Variants in SLC36A4 observed in about 807,000 individuals in gnomAD.
SLC36A4 encodes the protein neutral amino acid uniporter 4.
In SLC36A4, 49 loss-of-function variants were observed where a neutral mutation model predicts 50.5. The ratio of observed to expected loss-of-function variants is 0.97; its 90% CI spans 0.77 to 1.23. The LOEUF is 1.23. Ranked by LOEUF, SLC36A4 falls within the 50% of genes most tolerant of loss-of-function variation. The probability of loss-of-function intolerance (pLI) is 0.00; values close to 1 mark genes in which losing one functional copy is unlikely to be tolerated. For synonymous variants in SLC36A4, 207 were observed against 206.5 expected (o/e 1.00, Z -0.02); for missense variants, 611 against 608.4 (o/e 1.00, Z -0.05).
At chr11:93,161,232 CTTGA>C (rs1316764420) in intron 9 of SLC36A4, among the ~76,000 whole-genome samples, 1 of 152,120 alleles carries the variant, frequency 6.6e-6, no homozygotes, top group Non-Finnish European at 1.5e-5. Context: ...ATATTTTTAG[CTTGA>C]TTCTCTTATA....
rs1199621727 is a variant in SLC36A4 at position 93,153,930 on chromosome 11, T to C, written c.1207+178A>G. ...TCTGGTTTGTGTTTTTCTTATGTAG[T>C]AGTAGAAAAATTGAATTTTAACCTG... On this transcript the variant is annotated intron_variant, in intron 10 of 10. Transcript: ENST00000326402. 1.5e-5 allele frequency: 5 copies of C among 330,748 alleles called. No homozygotes were observed. In the South Asian group the frequency reaches 4.7e-4, roughly 31 times the overall value. The allele number at this position is 330,748 out of a possible 1,614,324, so 20.5% of individuals were successfully genotyped here.
intron 1 of SLC36A4, among the ~76,000 whole-genome samples, chr11:93,194,589 A>T (rs1258082474): frequency 2.0e-5 from 3 of 152,192 alleles, no homozygotes; most frequent in South Asian, 2.1e-4. Flanking sequence ...TTCTTTTTTT[A>T]AATTAAATAA....
chr11:93,145,441 T>C lies in SLC36A4; in HGVS notation c.*3096A>G, dbSNP rs1859829292. 1 of 152,080 alleles carries C rather than the reference T, an allele frequency of 6.6e-6. No individual in the cohort carries two copies. Among genetic ancestry groups the C allele is most frequent in the African/African-American group, 2.4e-5 (1 of 41,436 alleles). The allele number at this position is 152,080 out of a possible 1,614,324, so 9.4% of individuals were successfully genotyped here. On this transcript the variant is annotated 3_prime_UTR_variant, in exon 11 of 11. Coordinates refer to ENST00000326402, the MANE Select transcript of SLC36A4 (RefSeq NM_152313.4). ...TTTAACCAAGAATACGCTGTAGCTC[T>C]TATTTTCTTAATTGTAAAGAAATCT...
At chr11:93,157,265 A>G (rs1347745885) in intron 9 of SLC36A4, among the ~76,000 whole-genome samples, 1 of 152,012 alleles carries the variant, frequency 6.6e-6, no homozygotes, top group East Asian at 1.9e-4. Flanking sequence ...TATAGTTTAG[A>G]GTTGGGTAGT....
intron 6 of SLC36A4, among the ~76,000 whole-genome samples, chr11:93,179,171 A>G (rs1468830676): frequency 6.6e-6 from 1 of 152,078 alleles, no homozygotes; most frequent in Non-Finnish European, 1.5e-5. Context: ...TTGTGCTATC[A>G]ACCAGGTACA....
At chr11:93,160,725 T>G in intron 9 of SLC36A4, 10 of 984,780 alleles carry the variant, frequency 1.0e-5, no homozygotes, top group Non-Finnish European at 1.2e-5. Context: ...CATGCTTTTG[T>G]AAATAAGACC....
At chr11:93,171,106 T>A (rs1464495534) in intron 6 of SLC36A4, 3 of 151,754 alleles carry the variant, frequency 2.0e-5, no homozygotes, top group Non-Finnish European at 2.9e-5. Context: ...TCAACTACTT[T>A]CTCAAGCCTG....
intron 9 of SLC36A4, among the ~76,000 whole-genome samples, chr11:93,157,914 A>G (rs1437671605): frequency 6.6e-6 from 1 of 152,162 alleles, no homozygotes; most frequent in Admixed American, 6.6e-5. Flanking sequence ...TATGTTGAAC[A>G]GAAGTGGTGA....
intron 9 of SLC36A4, among the ~76,000 whole-genome samples, chr11:93,156,956 C>T (rs1409051012): frequency 1.3e-5 from 2 of 151,788 alleles, no homozygotes; most frequent in Non-Finnish European, 2.9e-5. Flanking sequence ...GTATTTTCTT[C>T]CAGGGTTTTT....
intron 10 of SLC36A4, chr11:93,152,092 T>C (rs1389261709): frequency 6.6e-6 from 1 of 152,078 alleles, no homozygotes; most frequent in Non-Finnish European, 1.5e-5. Context: ...ACAACCAACA[T>C]AATCCAAGCT....
chr11:93,182,979 G>T, intron 3 of SLC36A4, 85 bp from the exon 4 acceptor site: 1 of 892,758 alleles, frequency 1.1e-6, no homozygotes, highest in Non-Finnish European at 1.8e-6. Context: ...GATTATTCAC[G>T]TGCAGTGAAT....
Position 93,162,707 on chromosome 11 carries a change from A to G in SLC36A4, c.1036T>C (p.Trp346Arg), listed in dbSNP as rs774417318. ...SITLNLPQDVWLYQSVKILYS... is the reference protein window; with the variant it reads ...SITLNLPQDVRLYQSVKILYS... ...ATTGACAAATTCATATACACCTACC[A>G]TACATCTTGGGGAAGATTTAAAGTT... Residue 346 changes from tryptophan (W) to arginine (R), a missense_variant and splice_region_variant, in exon 9 of 11, where the codon TGG (tryptophan) becomes CGG (arginine). Physicochemically the swap from Trp to Arg is moderately radical, Grantham distance 101. Transcript: ENST00000326402. 1.9e-6 allele frequency: 3 copies of G among 1,605,324 alleles called. No individual in the cohort carries two copies. The Admixed American group carries it at 5.2e-5, about 28-fold the overall frequency.
intron 6 of SLC36A4, among the ~76,000 whole-genome samples, chr11:93,168,428 T>C (rs1040538675): frequency 2.3e-4 from 35 of 152,072 alleles, no homozygotes; most frequent in African/African-American, 8.2e-4. Context: ...TAAAGTTCAT[T>C]AGAAAATTAT....
chr11:93,188,892 G>A (rs1002081389), intron 1 of SLC36A4, among the ~76,000 whole-genome samples: 1 of 152,046 alleles, frequency 6.6e-6, no homozygotes, highest in Non-Finnish European at 1.5e-5. Context: ...CCTTCTAAAG[G>A]CTGGGAGGGA....
chr11:93,184,667 T>A (rs1407640916), intron 2 of SLC36A4, 147 bp from the exon 3 acceptor site: 6 of 583,726 alleles, frequency 1.0e-5, no homozygotes, highest in African/African-American at 1.9e-5. Flanking sequence ...CCAGAAGTCA[T>A]ACTTGGTTCA....
intron 10 of SLC36A4, among the ~76,000 whole-genome samples, chr11:93,153,556 T>A (rs572038109): frequency 3.3e-5 from 5 of 152,180 alleles, no homozygotes; most frequent in African/African-American, 1.2e-4. Flanking sequence ...TCCACTATAC[T>A]GAACTCAAGC....
At chr11:93,178,539 A>AT (rs967185526) in intron 6 of SLC36A4, among the ~76,000 whole-genome samples, 9 of 151,342 alleles carry the variant, frequency 5.9e-5, no homozygotes, top group South Asian at 2.1e-4. Flanking sequence ...GAGTAGTTTA[A>AT]TTTTTTTTTG....
rs12575862 is a variant in SLC36A4 at position 93,160,238 on chromosome 11, A to C, written c.1037+2468T>G. The C allele has an allele frequency of 4.4e-5, 43 of 985,432 alleles. No individual in the cohort carries two copies. In the East Asian group the frequency reaches 4.9e-3, roughly 112 times the overall value. 61.0% of individuals were successfully genotyped at this position (985,432 alleles called of 1,614,324 possible). On this transcript the variant is annotated intron_variant, in intron 9 of 10. Coordinates refer to ENST00000326402, the MANE Select transcript of SLC36A4 (RefSeq NM_152313.4). The stretch of plus-strand genomic sequence containing the variant: ...CACACAGAAACAGACTATAGGCTGC[A>C]TAGGGCATATCTCCACAGTGCAAAG...
intron 1 of SLC36A4, among the ~76,000 whole-genome samples, chr11:93,186,227 T>C (rs1261200318): frequency 6.6e-6 from 1 of 152,206 alleles, no homozygotes; most frequent in Admixed American, 6.5e-5. Flanking sequence ...TACAAAGTGA[T>C]TCCAATATTT....
Sources: gnomAD v4.1 joint callset for allele counts (sites outside exome capture counted in the v4.1 genomes callset) on GRCh38, gnomAD v4.1.1 for gene constraint, MANE v1.5 for transcripts, NCBI Gene and HGNC (gene_info 2026-07-23, HGNC 2026-07-21) for gene names.